The following NXPH1 variants were observed in gnomAD, a reference collection of about 807,000 sequenced individuals.
NXPH1 encodes the protein neurexophilin-1.
NXPH1 carries 5 observed loss-of-function variants against 23.7 expected under a neutral mutation model. The observed-to-expected ratio is 0.21, with a 90% CI of 0.11 to 0.44. NXPH1 has a LOEUF of 0.44. NXPH1 is among the 20% of genes least tolerant of loss of function. The pLI, the probability that NXPH1 is intolerant of heterozygous loss-of-function variation, is 0.99. For synonymous variants in NXPH1, 144 were observed against 122.2 expected (o/e 1.18, Z -1.18); for missense variants, 324 against 321.6 (o/e 1.01, Z -0.06).
chr7:8,750,181 A>T (rs1260327276), intron 2 of NXPH1, among the ~76,000 whole-genome samples: 6 of 152,186 alleles, frequency 3.9e-5, no homozygotes, highest in Non-Finnish European at 8.8e-5. Flanking sequence ...GTGATAGTAA[A>T]CATGTTATTT....
At chr7:8,610,246 G>A (rs1279262530) in intron 2 of NXPH1, among the ~76,000 whole-genome samples, 1 of 152,110 alleles carries the variant, frequency 6.6e-6, no homozygotes, top group Non-Finnish European at 1.5e-5. Context: ...GTGAATTAAT[G>A]CATAGGTTGA....
chr7:8,453,775 G>A (rs6463811), intron 2 of NXPH1, among the ~76,000 whole-genome samples: 1 of 151,970 alleles, frequency 6.6e-6, no homozygotes, highest in African/African-American at 2.4e-5. Context: ...TGGCTGCATA[G>A]TATTCCATCT....
chr7:8,434,919 G>A lies in NXPH1; in HGVS notation c.-111+164G>A, dbSNP rs58105747. On this transcript the variant is annotated intron_variant, in intron 1 of 2. Transcript: ENST00000405863. The surrounding 1 kb of genome is among the most constrained non-coding windows in gnomAD (Gnocchi z 7.6). Reference sequence around the variant, plus strand: ...GCTTCTTCTCTAGAAGTTAGCGACCGGCTGTACCCTTTGGCTCGAAAAAAG... The same window carrying A: ...GCTTCTTCTCTAGAAGTTAGCGACCAGCTGTACCCTTTGGCTCGAAAAAAG... The A allele has an allele frequency of 0.16, 23,661 of 152,066 alleles. 2,436 individuals carry two copies. Among genetic ancestry groups the A allele is most frequent in the East Asian group, 0.52 (2,679 of 5,112 alleles). The allele number at this position is 152,066 out of a possible 1,614,324, so 9.4% of individuals were successfully genotyped here. A position where few individuals can be genotyped will look rare whatever the true frequency, so the allele number is the denominator to read the frequency against.
intron 2 of NXPH1, among the ~76,000 whole-genome samples, chr7:8,720,961 A>C (rs540981341): frequency 1.3e-5 from 2 of 152,368 alleles, no homozygotes; most frequent in Admixed American, 6.5e-5. Context: ...TAAGCTGTAG[A>C]GTCATGACAA....
intron 2 of NXPH1, among the ~76,000 whole-genome samples, chr7:8,522,968 A>G (rs563205883): frequency 4.0e-4 from 61 of 152,354 alleles, no homozygotes; most frequent in African/African-American, 1.4e-3. Context: ...CAGCTCTGTC[A>G]TATACCAGCT....
rs538791473 is a variant in NXPH1 at position 8,662,192 on chromosome 7, A to ACACACG, written c.55-88812_55-88811insCGCACA. The stretch of plus-strand genomic sequence containing the variant: ...ATTTTATATATATATATATATATAC[A>ACACACG]CACATATATATATACACACACATGT... On this transcript the variant is annotated intron_variant, in intron 2 of 2. Transcript: ENST00000405863. Among the ~76,000 whole-genome samples, 416 of 151,302 alleles carry ACACACG rather than the reference A, an allele frequency of 2.7e-3. 3 individuals carry two copies. Among genetic ancestry groups the ACACACG allele is most frequent in the African/African-American group, 9.5e-3 (393 of 41,214 alleles).
intron 2 of NXPH1, among the ~76,000 whole-genome samples, chr7:8,460,789 C>T (rs1005004874): frequency 2.0e-5 from 3 of 152,174 alleles, no homozygotes; most frequent in Non-Finnish European, 4.4e-5. Flanking sequence ...AATTATTGAC[C>T]ACCTATCTTT....
At position 8,732,348 on chromosome 7, in the gene NXPH1, G is replaced by A. The variant is rs575994078; in HGVS notation, c.55-18660G>A. On this transcript the variant is annotated intron_variant, in intron 2 of 2. Coordinates refer to ENST00000405863, the MANE Select transcript of NXPH1 (RefSeq NM_152745.3). ...CTGTAGACTGGAGCTGTTCCCATTCGGCCATCTTGGCTCCTTCGCCTTCGT... is the reference window on the plus strand; with the variant it reads ...CTGTAGACTGGAGCTGTTCCCATTCAGCCATCTTGGCTCCTTCGCCTTCGT... Among the ~76,000 whole-genome samples, 236 of 152,264 alleles carry A rather than the reference G, an allele frequency of 1.5e-3. 2 individuals are homozygous for A. The highest frequency in any genetic ancestry group is 5.3e-3 in the African/African-American group (222 of 41,558).
chr7:8,730,925 CT>C (rs1426412921), intron 2 of NXPH1, among the ~76,000 whole-genome samples: 1 of 150,662 alleles, frequency 6.6e-6, no homozygotes, highest in Non-Finnish European at 1.5e-5. Flanking sequence ...GGATAATATC[CT>C]GCAGAGTGTT....
chr7:8,738,163 G>A (rs1237126812), intron 2 of NXPH1, among the ~76,000 whole-genome samples: 1 of 152,148 alleles, frequency 6.6e-6, no homozygotes, highest in Non-Finnish European at 1.5e-5. Flanking sequence ...TCTCCGTCCA[G>A]TTTTGTTCCC....
chr7:8,742,658 T>C (rs533714211), intron 2 of NXPH1, among the ~76,000 whole-genome samples: 4 of 152,138 alleles, frequency 2.6e-5, no homozygotes, highest in South Asian at 2.1e-4. Flanking sequence ...AGGAACAATA[T>C]ATACCAAAAT....
At chr7:8,519,918 T>A (rs2128615473) in intron 2 of NXPH1, among the ~76,000 whole-genome samples, 1 of 152,264 alleles carries the variant, frequency 6.6e-6, no homozygotes, top group African/African-American at 2.4e-5. Flanking sequence ...ATGAGAAAGT[T>A]TATTGATGAA....
Position 8,557,453 on chromosome 7 carries a change from C to G in NXPH1, c.54+121686C>G, listed in dbSNP as rs147060413. Among the ~76,000 whole-genome samples, 244 of 151,700 alleles carry G rather than the reference C, an allele frequency of 1.6e-3. 1 individual carries two copies. Among genetic ancestry groups the G allele is most frequent in the African/African-American group, 5.5e-3 (228 of 41,470 alleles). On this transcript the variant is annotated intron_variant, in intron 2 of 2. Coordinates refer to ENST00000405863, the MANE Select transcript of NXPH1 (RefSeq NM_152745.3). ...CTTTGGGTCCTGTGACAGACTTGGT[C>G]AAAACCCTAGCTACTCCTTTGCAAT... is the stretch of plus-strand genomic sequence containing the variant.
intron 2 of NXPH1, among the ~76,000 whole-genome samples, chr7:8,636,333 C>T (rs1027484709): frequency 6.6e-5 from 10 of 152,192 alleles, no homozygotes; most frequent in African/African-American, 2.4e-4. Flanking sequence ...GTAGAACTGT[C>T]TTCCAGCTAA....
chr7:8,727,657 G>C (rs938004654), intron 2 of NXPH1, among the ~76,000 whole-genome samples: 2 of 152,108 alleles, frequency 1.3e-5, no homozygotes, highest in African/African-American at 2.4e-5. Flanking sequence ...TAGATATGCG[G>C]CATTATTTCT....
intron 2 of NXPH1, among the ~76,000 whole-genome samples, chr7:8,731,155 C>T (rs1780146659): frequency 6.6e-6 from 1 of 152,038 alleles, no homozygotes; most frequent in South Asian, 2.1e-4. Flanking sequence ...CTTCTGCATT[C>T]TTCATGTAGT....
chr7:8,688,988 T>C (rs966872379), intron 2 of NXPH1, among the ~76,000 whole-genome samples: 18 of 152,314 alleles, frequency 1.2e-4, no homozygotes, highest in African/African-American at 4.3e-4. Context: ...TCTCTTCTGG[T>C]GCTTTCCTTA....
At chr7:8,602,906 G>A (rs940652054) in intron 2 of NXPH1, among the ~76,000 whole-genome samples, 12 of 152,036 alleles carry the variant, frequency 7.9e-5, no homozygotes, top group South Asian at 4.2e-4. Context: ...TTGGCTTTCC[G>A]CAACCTCTGC....
intron 2 of NXPH1, among the ~76,000 whole-genome samples, chr7:8,661,073 G>A (rs1219800961): frequency 6.6e-6 from 1 of 151,868 alleles, no homozygotes; most frequent in Non-Finnish European, 1.5e-5. Flanking sequence ...ATAGCAGAGT[G>A]ATTGCTTCCT....
Sources: gnomAD v4.1 joint callset for allele counts (sites outside exome capture counted in the v4.1 genomes callset) on GRCh38, gnomAD v4.1.1 for gene constraint, Gnocchi (gnomAD v3.1) non-coding constraint, MANE v1.5 for transcripts, NCBI Gene and HGNC (gene_info 2026-07-23, HGNC 2026-07-21) for gene names.